Variants in CDK5RAP3 observed in about 807,000 individuals in gnomAD.
The protein encoded by CDK5RAP3 is CDK5 regulatory subunit associated protein 3, also known as CDK5 regulatory subunit-associated protein 3.
CDK5RAP3 carries 58 observed loss-of-function variants against 73.3 expected under a neutral mutation model. The observed-to-expected ratio is 0.79, with a 90% CI of 0.64 to 0.98. CDK5RAP3 has a LOEUF of 0.98. CDK5RAP3 is among the 50% of genes least tolerant of loss of function. The pLI is 0.00. For synonymous variants in CDK5RAP3, 224 were observed against 247.5 expected, an observed-to-expected ratio of 0.91 and a Z score of 0.89; for missense variants, 525 against 615.8, an observed-to-expected ratio of 0.85 and a Z score of 1.56.
At position 47,980,781 on chromosome 17, in the gene CDK5RAP3, G is replaced by C. The variant is rs1486706948; in HGVS notation, c.1266G>C (p.Met422Ile). The change falls in exon 12 of 14, where the codon ATG (methionine) becomes ATC (isoleucine). Residue 422 changes from methionine (M) to isoleucine (I), a missense_variant. Transcript: ENST00000338399. ...GTCTTCAGCTGCAACACCTGTTTAT[G>C]ATCCTGGCCTCACCAAGGTCTGGCT... ...LTSLQLQHLF[M>I]ILASPRYVDR... The C allele has an allele frequency of 1.9e-6, 3 of 1,614,048 alleles. No homozygotes were observed. Among genetic ancestry groups the C allele is most frequent in the Non-Finnish European group, 2.5e-6 (3 of 1,180,038 alleles).
chr17:47,975,082 A>G (rs768237496), intron 5 of CDK5RAP3, 77 bp from the exon 6 acceptor site: 3 of 1,612,822 alleles, frequency 1.9e-6, no homozygotes, highest in African/African-American at 2.7e-5. Flanking sequence ...CACCACCACA[A>G]AGGATGTGTG....
chr17:47,975,800 C>T (rs1282869279), intron 7 of CDK5RAP3, 69 bp from the exon 8 acceptor site: 1 of 1,605,794 alleles, frequency 6.2e-7, no homozygotes, highest in East Asian at 2.2e-5. Flanking sequence ...GACCATGTGG[C>T]CCAGGCCAAA....
chr17:47,971,275 G>GTGGTGGTT, intron 1 of CDK5RAP3, 87 bp from the exon 2 acceptor site: 1 of 1,545,518 alleles, frequency 6.5e-7, no homozygotes, highest in Non-Finnish European at 8.8e-7. Flanking sequence ...GCCCTGCAGG[G>GTGGTGGTT]TGGTGGTTGG....
rs765344081 is a variant in CDK5RAP3 at position 47,975,260 on chromosome 17, AAGG to A, written c.445_447del (p.Glu149del). On this transcript the variant is annotated inframe_deletion, in exon 6 of 14. Coordinates refer to ENST00000338399, the MANE Select transcript of CDK5RAP3 (RefSeq NM_176096.3). ...GCAGCTGCAGCAAGAATACAGCCGC[AAGG>A]AGGAGGAGTGCCAGGCAGGGGCTGC... 8.1e-6 allele frequency: 13 copies of A among 1,614,138 alleles called. No homozygotes were observed. The highest frequency in any genetic ancestry group is 1.6e-4 in the Middle Eastern group (1 of 6,062).
chr17:47,970,028 C>T (rs2036230767), upstream of CDK5RAP3, among the ~76,000 whole-genome samples: 1 of 152,172 alleles, frequency 6.6e-6, no homozygotes, highest in Admixed American at 6.5e-5. Context: ...CTTCCCCTTC[C>T]TCCTCATATC....
chr17:47,969,580 A>AAAAAAAAAAAAAAAAAAAAAAAAG (rs1567720961), upstream of CDK5RAP3, among the ~76,000 whole-genome samples: 13 of 131,374 alleles, frequency 9.9e-5, no homozygotes, highest in African/African-American at 3.8e-4. Context: ...AAAAAAAAAA[A>AAAAAAAAAAAAAAAAAAAAAAAAG]AAAAGAAAAG....
rs1283487127 is a variant in CDK5RAP3, at chr17:47,971,585, C to CAT, written c.52+181_52+182dup. Among the ~76,000 whole-genome samples the CAT allele has an allele frequency of 2.6e-5, 4 of 152,246 alleles. No individual in the cohort carries two copies. The East Asian group carries it at 7.7e-4, about 29-fold the overall frequency. ...TTCCCTGATAGCAGCGGGAACGAAC[C>CAT]ATATGTACAGTCTGTTTGACCTGCG... On this transcript the variant is annotated intron_variant, in intron 2 of 13. Transcript: ENST00000338399.
At chr17:47,975,022 G>T in intron 5 of CDK5RAP3, 137 bp from the exon 6 acceptor site, 1 of 1,589,768 alleles carries the variant, frequency 6.3e-7, no homozygotes, top group Non-Finnish European at 8.6e-7. Flanking sequence ...ACTTGTCTTA[G>T]GCTCCACAGC....
chr17:47,968,975 G>A (rs1343429709), upstream of CDK5RAP3, among the ~76,000 whole-genome samples: 1 of 152,148 alleles, frequency 6.6e-6, no homozygotes, highest in East Asian at 1.9e-4. Flanking sequence ...CATATAGGGA[G>A]AGTTTACAAA....
intron 9 of CDK5RAP3, 112 bp from the exon 10 acceptor site, chr17:47,977,720 A>T: frequency 1.2e-6 from 1 of 843,612 alleles, no homozygotes; most frequent in Non-Finnish European, 1.9e-6. Flanking sequence ...GCAAATCCTT[A>T]ATAGAGTTGG....
intron 11 of CDK5RAP3, chr17:47,980,280 C>CTT: frequency 7.1e-6 from 2 of 281,708 alleles, no homozygotes; most frequent in Non-Finnish European, 1.4e-5. Flanking sequence ...TTCTTTCTTC[C>CTT]TTTTTTTTTA....
At chr17:47,970,886 C>T, upstream of CDK5RAP3, 5 of 1,431,288 alleles carry the variant, frequency 3.5e-6, no homozygotes, top group South Asian at 5.6e-5. Context: ...CCCCTCCCGT[C>T]CCCTGCCCTG....
At position 47,973,991 on chromosome 17, in the gene CDK5RAP3, C is replaced by G; in HGVS notation, c.245C>G (p.Thr82Arg). 6.2e-7 allele frequency: 1 copy of G among 1,614,086 alleles called. No homozygotes were observed. The highest frequency in any genetic ancestry group is 1.1e-5 in the South Asian group (1 of 91,082). Residue 82 changes from threonine to arginine, a missense_variant, in exon 4 of 14, where the codon ACG becomes AGG. By Grantham distance (71) the Thr-to-Arg change is moderately conservative. Around this residue, in one of 2 missense-constraint regions of CDK5RAP3, gnomAD observed 409 missense variants for 429.8 expected, o/e 0.95. Transcript: ENST00000338399. ...LDLLKGTEASTKNIFGRYSSQ... is the reference protein window; with the variant it reads ...LDLLKGTEASRKNIFGRYSSQ... ...CTTCTCAAAGGCACAGAGGCCTCCA[C>G]GAAGAATATTTTTGGCCGATACTCT...
At chr17:47,978,160 CCTGGG>C (rs2036463549) in intron 10 of CDK5RAP3, 3 of 349,322 alleles carry the variant, frequency 8.6e-6, no homozygotes, top group African/African-American at 2.2e-5. Context: ...ACCTCCACCT[CCTGGG>C]TTCAAGCTAT....
intron 4 of CDK5RAP3, 154 bp downstream of exon 4, chr17:47,974,185 A>G (rs1318441211): frequency 4.2e-6 from 3 of 711,084 alleles, no homozygotes; most frequent in Non-Finnish European, 7.3e-6. Context: ...CCAAAAGTGG[A>G]TCCTATCCCT....
chr17:47,973,821 T>C (rs990778354), intron 3 of CDK5RAP3, 110 bp from the exon 4 acceptor site: 1 of 1,205,522 alleles, frequency 8.3e-7, no homozygotes, highest in African/African-American at 1.5e-5. Context: ...AGGGAAAAGC[T>C]ACACACTAAA....
At chr17:47,971,625 A>G (rs2036270304) in intron 2 of CDK5RAP3, among the ~76,000 whole-genome samples, 1 of 152,178 alleles carries the variant, frequency 6.6e-6, no homozygotes, top group Admixed American at 6.5e-5. Context: ...CTCCTTTAAT[A>G]ACATATGTTA....
chr17:47,978,294 C>G (rs1349826734), intron 10 of CDK5RAP3, among the ~76,000 whole-genome samples: 1 of 152,004 alleles, frequency 6.6e-6, no homozygotes, highest in Non-Finnish European at 1.5e-5. Flanking sequence ...TGGTCTCGAA[C>G]TCTTGACCTC....
At chr17:47,972,130 T>TC (rs2036285943) in intron 2 of CDK5RAP3, among the ~76,000 whole-genome samples, 1 of 150,280 alleles carries the variant, frequency 6.7e-6, no homozygotes, top group Non-Finnish European at 1.5e-5. Flanking sequence ...AGCTTCCACC[T>TC]CCCCCTTGAT....
Sources: allele counts gnomAD v4.1 joint callset (sites outside exome capture counted in the v4.1 genomes callset), GRCh38; gene constraint gnomAD v4.1.1; regional missense constraint gnomAD v4.1.1; transcripts MANE v1.5; gene names NCBI Gene and HGNC (gene_info 2026-07-23, HGNC 2026-07-21).